The following AP1B1 variants were observed in gnomAD, a reference collection of about 807,000 sequenced individuals.
AP1B1 encodes the protein adaptor related protein complex 1 subunit beta 1, also known as AP-1 complex subunit beta-1.
A neutral mutation model predicts 104.3 loss-of-function variants in AP1B1; 36 were observed. The observed-to-expected ratio is 0.35, with a 90% confidence interval of 0.26 to 0.46. AP1B1 has a LOEUF of 0.46. AP1B1 is among the 20% of genes least tolerant of loss of function. The pLI is 1.00. For missense variants in AP1B1, 901 were observed against 1,247.9 expected, an observed-to-expected ratio of 0.72 and a Z score of 4.19; for synonymous variants, 504 against 517.5, an observed-to-expected ratio of 0.97 and a Z score of 0.35.
intron 2 of AP1B1, among the ~76,000 whole-genome samples, chr22:29,364,212 G>T (rs1319455597): frequency 6.6e-6 from 1 of 152,192 alleles, no homozygotes; most frequent in Non-Finnish European, 1.5e-5. Flanking sequence ...TTCACTTCCT[G>T]AGACACAAGT....
intron 11 of AP1B1, among the ~76,000 whole-genome samples, chr22:29,345,835 C>T (rs986387528): frequency 6.6e-6 from 1 of 152,194 alleles, no homozygotes; most frequent in Non-Finnish European, 1.5e-5. Flanking sequence ...CAGACGCACA[C>T]CACCATGCCT....
At chr22:29,370,428 G>A (rs1303890243) in intron 1 of AP1B1, 15 of 145,798 alleles carry the variant, frequency 1.0e-4, no homozygotes, top group Non-Finnish European at 1.8e-4. Flanking sequence ...ACTCCAGCCC[G>A]AGCGACAGAG....
rs1257628486 is a variant in AP1B1 at position 29,330,021 on chromosome 22, A to G, written c.2767-301T>C. On this transcript the variant is annotated intron_variant, in intron 21 of 22. Transcript: ENST00000357586. The stretch of plus-strand genomic sequence containing the variant: ...AGGCTGGGAGGTTCAGGCTCCTGGG[A>G]ACCACTGTCCTCCCAGCTGGACATG... 3.5e-6 allele frequency: 5 copies of G among 1,409,216 alleles called. No homozygotes were observed. The Admixed American group carries it at 1.5e-4, about 42-fold the overall frequency. The allele number at this position is 1,409,216 out of a possible 1,614,324, so 87.3% of individuals were successfully genotyped here.
intron 7 of AP1B1, among the ~76,000 whole-genome samples, chr22:29,353,397 C>A: frequency 6.6e-6 from 1 of 152,122 alleles, no homozygotes; most frequent in East Asian, 1.9e-4. Flanking sequence ...ATCTCAGGAC[C>A]AGGGCAGGGC....
intron 19 of AP1B1, 97 bp downstream of exon 19, chr22:29,331,352 G>A: frequency 8.4e-7 from 1 of 1,194,274 alleles, no homozygotes; most frequent in South Asian, 1.2e-5. Flanking sequence ...TTACGGGCAA[G>A]GCAGTCCATC....
chr22:29,329,442 C>T, intron 22 of AP1B1: 1 of 1,361,766 alleles, frequency 7.3e-7, no homozygotes, highest in East Asian at 2.9e-5. Flanking sequence ...ACTGGTTCTG[C>T]AGGGTGCAGT....
In AP1B1 at chr22:29,377,375, C is replaced by A. The variant is rs138805069; in HGVS notation, c.-27-10105G>T. On this transcript the variant is annotated intron_variant, in intron 1 of 22. Coordinates refer to ENST00000357586, the MANE Select transcript of AP1B1 (RefSeq NM_001127.4). Reference sequence around the variant, plus strand: ...CGTGGTTACCAAATTCAGACAGGCTCTTCCAAGTCAGTTCAATCACTATGA... The same window carrying A: ...CGTGGTTACCAAATTCAGACAGGCTATTCCAAGTCAGTTCAATCACTATGA... 1.0e-3 allele frequency among the ~76,000 whole-genome samples: 158 copies of A among 152,186 alleles called. 1 individual carries two copies. The highest frequency in any genetic ancestry group is 1.9e-3 in the Non-Finnish European group (131 of 68,006).
chr22:29,374,566 C>T (rs976892772), intron 1 of AP1B1, among the ~76,000 whole-genome samples: 4 of 152,272 alleles, frequency 2.6e-5, no homozygotes, highest in South Asian at 2.1e-4. Context: ...ACTGAAACTA[C>T]GGTGAAATAT....
At position 29,330,633 on chromosome 22, in the gene AP1B1, G is replaced by T; in HGVS notation, c.2601C>A (p.Pro867=). ...GCTCGGAGTCCTCACCTGCATTGAG[G>T]GGGCAGTCTCTGATCTGGAACTGGG... is the stretch of plus-strand genomic sequence containing the variant. ...NEAQFQIRDC[P]LNAEAASSKL... is the part of the protein sequence containing the mutation. The change falls in exon 20 of 23, where the codon CCC becomes CCA. Residue 867 remains proline (P), a synonymous_variant. Transcript: ENST00000357586. 6.2e-7 allele frequency: 1 copy of T among 1,613,920 alleles called. No individual in the cohort carries two copies. Among genetic ancestry groups the T allele is most frequent in the Non-Finnish European group, 8.5e-7 (1 of 1,180,006 alleles).
chr22:29,354,537 C>T, intron 7 of AP1B1, 113 bp downstream of exon 7: 1 of 1,005,444 alleles, frequency 9.9e-7, no homozygotes, highest in Non-Finnish European at 1.5e-6. Flanking sequence ...CTGGGTTAAG[C>T]TATTTGAGAC....
intron 16 of AP1B1, among the ~76,000 whole-genome samples, chr22:29,334,848 T>A (rs1162063773): frequency 6.6e-6 from 1 of 152,236 alleles, no homozygotes; most frequent in East Asian, 1.9e-4. Context: ...TTCCTGGCCA[T>A]CACCGCCTGT....
At chr22:29,358,568 A>T (rs2061995007) in intron 5 of AP1B1, among the ~76,000 whole-genome samples, 158 bp downstream of exon 5, 1 of 152,180 alleles carries the variant, frequency 6.6e-6, no homozygotes, top group South Asian at 2.1e-4. Flanking sequence ...CCCTCCAGAG[A>T]GGGTGCCTGA....
At chr22:29,377,336 T>C (rs6006113) in intron 1 of AP1B1, among the ~76,000 whole-genome samples, 53,642 of 151,868 alleles carry the variant, frequency 0.35, 10,376 homozygotes, top group East Asian at 0.66. Flanking sequence ...TTTCAGACTT[T>C]CTCTCTGAGA....
chr22:29,379,809 G>A (rs747010657), intron 1 of AP1B1, among the ~76,000 whole-genome samples: 3 of 152,192 alleles, frequency 2.0e-5, no homozygotes, highest in African/African-American at 7.2e-5. Context: ...ATGTGACAAC[G>A]GAGGGAACTG....
chr22:29,339,247 C>T, intron 15 of AP1B1, 114 bp from the exon 16 acceptor site: 2 of 1,218,410 alleles, frequency 1.6e-6, no homozygotes, highest in East Asian at 2.4e-5. Flanking sequence ...GGGGGCAGGA[C>T]AGCCTCCATA....
chr22:29,379,875 C>T (rs1369196262), intron 1 of AP1B1, among the ~76,000 whole-genome samples: 1 of 152,184 alleles, frequency 6.6e-6, no homozygotes, highest in East Asian at 1.9e-4. Context: ...TGATTTACAA[C>T]CCTTCTCATT....
At position 29,331,225 on chromosome 22, in the gene AP1B1, G is replaced by T. The variant is rs530821779; in HGVS notation, c.2524+224C>A. On this transcript the variant is annotated intron_variant, in intron 19 of 22. Transcript: ENST00000357586. ...GAGCAGGAGAGCCTGGGAGTGGGGTGAGTTCCATGTGGCACAGCCCACCTG... is the reference window on the plus strand; with the variant it reads ...GAGCAGGAGAGCCTGGGAGTGGGGTTAGTTCCATGTGGCACAGCCCACCTG... 1.8e-4 allele frequency among the ~76,000 whole-genome samples: 27 copies of T among 152,294 alleles called. No individual in the cohort carries two copies. In the South Asian group the frequency reaches 5.6e-3, roughly 32 times the overall value.
chr22:29,355,468 C>A (rs547686644), intron 6 of AP1B1, among the ~76,000 whole-genome samples: 87 of 151,726 alleles, frequency 5.7e-4, no homozygotes, highest in Non-Finnish European at 1.1e-3. Context: ...CATAAACAAA[C>A]AAACAAACAA....
chr22:29,360,507 G>A (rs185656888), intron 3 of AP1B1, among the ~76,000 whole-genome samples: 47 of 152,286 alleles, frequency 3.1e-4, no homozygotes, highest in Admixed American at 2.9e-3. Context: ...AAGCAGGATG[G>A]CTCATGCTGC....
Sources: allele counts gnomAD v4.1 joint callset (sites outside exome capture counted in the v4.1 genomes callset), GRCh38; gene constraint gnomAD v4.1.1; transcripts MANE v1.5; gene names NCBI Gene and HGNC (gene_info 2026-07-23, HGNC 2026-07-21).